Variants in NR1H4 observed in about 807,000 individuals in gnomAD.
The protein encoded by NR1H4 is bile acid receptor.
NR1H4 carries 23 observed loss-of-function variants against 58.5 expected under a neutral mutation model. The observed-to-expected ratio is 0.39, with a 90% CI of 0.28 to 0.56. The LOEUF is 0.56. Among genes scored for constraint, NR1H4 ranks in the 20% least tolerant of loss-of-function variants. The pLI, the probability that NR1H4 is intolerant of heterozygous loss-of-function variation, is 0.58. For synonymous variants in NR1H4, 214 were observed against 198.0 expected (o/e 1.08, Z -0.68); for missense variants, 487 against 576.9 (o/e 0.84, Z 1.60).
At chr12:100,515,135 A>G (rs1387858438) in intron 4 of NR1H4, among the ~76,000 whole-genome samples, 1 of 139,092 alleles carries the variant, frequency 7.2e-6, no homozygotes, top group Non-Finnish European at 1.6e-5. Context: ...TCTCAGGCAT[A>G]TGAAGTTTGC....
intron 1 of NR1H4, among the ~76,000 whole-genome samples, chr12:100,475,013 A>G (rs1202070059): frequency 1.3e-5 from 2 of 152,182 alleles, no homozygotes; most frequent in Non-Finnish European, 2.9e-5. Flanking sequence ...TTTATGGTAT[A>G]GATTGTGGTG....
intron 3 of NR1H4, among the ~76,000 whole-genome samples, chr12:100,509,101 C>A (rs1954041402): frequency 6.6e-6 from 1 of 152,162 alleles, no homozygotes; most frequent in African/African-American, 2.4e-5. Flanking sequence ...TCATCTCACT[C>A]AATCCTCAGA....
chr12:100,538,944 A>G (rs7980815), intron 8 of NR1H4, among the ~76,000 whole-genome samples: 10,444 of 152,254 alleles, frequency 0.069, 1,129 homozygotes, highest in African/African-American at 0.23. Flanking sequence ...ACTGGATTAT[A>G]TAAGAGTAAA....
chr12:100,548,834 A>G (rs113241912), intron 9 of NR1H4, among the ~76,000 whole-genome samples: 3,131 of 152,286 alleles, frequency 0.021, 56 homozygotes, highest in Non-Finnish European at 0.035. Context: ...CTGCTGTAAC[A>G]GAGACAAAAA....
At position 100,532,497 on chromosome 12, in the gene NR1H4, A is replaced by G. The variant is rs1398954793; in HGVS notation, c.485A>G (p.Lys162Arg). Residue 162 changes from lysine to arginine, a missense_variant, in exon 5 of 11, where the codon AAG (lysine) becomes AGG (arginine). Lys to Arg is a conservative substitution (Grantham distance 26). Transcript: ENST00000392986. ...RRSITKNAVYKCKNGGNCVMD... is the reference protein window; with the variant it reads ...RRSITKNAVYRCKNGGNCVMD... ...AGCATTACCAAAAACGCTGTGTACA[A>G]GTGTAAAAACGGGGGCAACTGTGTG... 3 of 1,614,070 alleles carry G rather than the reference A, an allele frequency of 1.9e-6. No individual in the cohort carries two copies. Among genetic ancestry groups the G allele is most frequent in the Admixed American group, 1.7e-5 (1 of 60,004 alleles).
chr12:100,541,471 A>G (rs1954933633), intron 9 of NR1H4, among the ~76,000 whole-genome samples: 1 of 152,044 alleles, frequency 6.6e-6, no homozygotes, highest in African/African-American at 2.4e-5. Context: ...TAGTAGAGAC[A>G]GAGTTTCTCC....
rs759643685 is a variant in NR1H4, at chr12:100,534,872, T to C, written c.599-18T>C. On this transcript the variant is annotated intron_variant, in intron 5 of 10. Coordinates refer to ENST00000392986, the MANE Select transcript of NR1H4 (RefSeq NM_001206979.2). ...TACTTTCTGTGATTGGTGAAGTCTC[T>C]ATGCTTATTTGTTTTAGGCTTGTTA... The C allele has an allele frequency of 4.3e-6, 7 of 1,614,148 alleles. No individual in the cohort carries two copies. The highest frequency in any genetic ancestry group is 5.9e-6 in the Non-Finnish European group (7 of 1,179,980).
chr12:100,550,557 A>T (rs1477278846), intron 9 of NR1H4, among the ~76,000 whole-genome samples: 1 of 151,910 alleles, frequency 6.6e-6, no homozygotes, highest in East Asian at 1.9e-4. Context: ...GTAGAGATGG[A>T]GTTTCACCAT....
intron 6 of NR1H4, 41 bp from the exon 7 acceptor site, chr12:100,536,471 A>T (rs900797314): frequency 1.5e-5 from 17 of 1,163,962 alleles, no homozygotes; most frequent in East Asian, 2.3e-5. Flanking sequence ...AAGGCTTTAT[A>T]CACATCTTCC....
chr12:100,515,072 A>T (rs1226514751), intron 4 of NR1H4, among the ~76,000 whole-genome samples: 1 of 151,570 alleles, frequency 6.6e-6, no homozygotes, highest in South Asian at 2.1e-4. Flanking sequence ...AATTGATTCA[A>T]CCAAACCTTT....
intron 9 of NR1H4, among the ~76,000 whole-genome samples, chr12:100,551,171 A>G (rs1437983864): frequency 6.6e-6 from 1 of 152,234 alleles, no homozygotes; most frequent in Non-Finnish European, 1.5e-5. Flanking sequence ...TGAGAGATAA[A>G]GTATAAGCAG....
rs780917996 is a variant in NR1H4 at position 100,536,552 on chromosome 12, A to G, written c.773A>G (p.His258Arg). 7 of 1,610,146 alleles carry G rather than the reference A, an allele frequency of 4.3e-6. No individual in the cohort carries two copies. The South Asian group carries it at 7.7e-5, about 18-fold the overall frequency. Residue 258 changes from histidine to arginine, a missense_variant, in exon 7 of 11, where the codon CAT becomes CGT. His to Arg is a conservative substitution (Grantham distance 29). Transcript: ENST00000392986. ...ELTPDQQTLL[H>R]FIMDSYNKQR... The stretch of plus-strand genomic sequence containing the variant: ...ACCCCAGATCAACAGACTCTTCTAC[A>G]TTTTATTATGGATTCATATAACAAA...
intron 9 of NR1H4, among the ~76,000 whole-genome samples, chr12:100,561,355 G>A (rs1484613675): frequency 6.6e-6 from 1 of 152,022 alleles, no homozygotes; most frequent in Non-Finnish European, 1.5e-5. Context: ...CCGAGATCAC[G>A]CCACTGCACT....
intron 4 of NR1H4, among the ~76,000 whole-genome samples, chr12:100,520,236 TGC>T: frequency 6.6e-6 from 1 of 152,300 alleles, no homozygotes; most frequent in East Asian, 1.9e-4. Context: ...GCACGGGCTT[TGC>T]GGGCTGACAA....
chr12:100,493,549 A>G, intron 3 of NR1H4, 147 bp downstream of exon 3: 1 of 635,780 alleles, frequency 1.6e-6, no homozygotes, highest in Non-Finnish European at 2.8e-6. Flanking sequence ...GCTACTCTGC[A>G]AGGTTAGAGG....
chr12:100,558,551 GT>G (rs1955388943), intron 9 of NR1H4, among the ~76,000 whole-genome samples: 1 of 152,120 alleles, frequency 6.6e-6, no homozygotes, highest in African/African-American at 2.4e-5. Flanking sequence ...TAGAGATGGG[GT>G]TTTGCCATGT....
At chr12:100,535,158 A>G (rs564344092) in intron 6 of NR1H4, 135 bp downstream of exon 6, 1 of 952,550 alleles carries the variant, frequency 1.0e-6, no homozygotes, top group African/African-American at 1.6e-5. Context: ...ATTAAAATGG[A>G]TTCCTAATAC....
chr12:100,557,727 C>T (rs975083705), intron 9 of NR1H4, among the ~76,000 whole-genome samples: 5 of 152,184 alleles, frequency 3.3e-5, no homozygotes, highest in Non-Finnish European at 7.3e-5. Context: ...TTATGATACT[C>T]TTCTAACAGT....
Position 100,536,587 on chromosome 12 carries a change from C to T in NR1H4, c.808C>T (p.Pro270Ser). The T allele has an allele frequency of 6.3e-7, 1 of 1,581,238 alleles. No individual in the cohort carries two copies. The highest frequency in any genetic ancestry group is 1.1e-5 in the South Asian group (1 of 90,322). Residue 270 changes from proline to serine, a missense_variant, in exon 7 of 11, where the codon CCT becomes TCT. Coordinates refer to ENST00000392986, the MANE Select transcript of NR1H4 (RefSeq NM_001206979.2). ...IMDSYNKQRMPQEITNKILKE... is the reference protein window; with the variant it reads ...IMDSYNKQRMSQEITNKILKE... ...GGATTCATATAACAAACAGAGGATG[C>T]CTCAGGAAATAACAAATAAAATTGT...
Sources: gnomAD v4.1 joint callset for allele counts (sites outside exome capture counted in the v4.1 genomes callset) on GRCh38, gnomAD v4.1.1 for gene constraint, MANE v1.5 for transcripts, NCBI Gene and HGNC (gene_info 2026-07-23, HGNC 2026-07-21) for gene names.